The following PCYT1A variants were observed in gnomAD, a reference collection of about 807,000 sequenced individuals.
The protein encoded by PCYT1A is phosphate cytidylyltransferase 1A, choline, also known as choline-phosphate cytidylyltransferase A.
PCYT1A carries 25 observed loss-of-function variants against 43.7 expected under a neutral mutation model. That is an observed-to-expected ratio of 0.57 (90% confidence interval 0.42 to 0.80). The LOEUF (loss-of-function observed/expected upper bound fraction) is 0.80, where lower values mean the gene tolerates loss of function less well. PCYT1A is among the 30% of genes least tolerant of loss of function. The probability of loss-of-function intolerance (pLI) is 0.00; values close to 1 mark genes in which losing one functional copy is unlikely to be tolerated. For synonymous variants in PCYT1A, 172 were observed against 170.7 expected, an observed-to-expected ratio of 1.01 and a Z score of -0.06; for missense variants, 421 against 474.2, an observed-to-expected ratio of 0.89 and a Z score of 1.04.
At chr3:196,248,754 CTTTTTT>C (rs200812322) in intron 3 of PCYT1A, among the ~76,000 whole-genome samples, 1 of 146,750 alleles carries the variant, frequency 6.8e-6, no homozygotes, top group African/African-American at 2.5e-5. Flanking sequence ...ATACTCCTTT[CTTTTTT>C]TTTATTTTTT....
chr3:196,265,552 C>A lies in PCYT1A; in HGVS notation c.117+4863G>T, dbSNP rs185540232. On this transcript the variant is annotated intron_variant, in intron 2 of 8. Transcript: ENST00000431016. ...TCTTTTCTATCCATTTCATCCTGAC[C>A]CACCAACCCAGGTATCTACTACTTG... Among the ~76,000 whole-genome samples, 65 of 152,172 alleles carry A rather than the reference C, an allele frequency of 4.3e-4. 1 individual carries two copies. Among genetic ancestry groups the A allele is most frequent in the African/African-American group, 1.6e-3 (65 of 41,520 alleles).
intron 2 of PCYT1A, among the ~76,000 whole-genome samples, chr3:196,258,417 G>C (rs1271676105): frequency 2.0e-5 from 3 of 151,888 alleles, no homozygotes; most frequent in Admixed American, 2.0e-4. Flanking sequence ...CAATTGATTT[G>C]TATTTGTGTT....
At chr3:196,260,239 G>C (rs1305580797) in intron 2 of PCYT1A, among the ~76,000 whole-genome samples, 1 of 151,942 alleles carries the variant, frequency 6.6e-6, no homozygotes, top group Non-Finnish European at 1.5e-5. Context: ...TTCATTTTTA[G>C]ATGTGTATGT....
In PCYT1A at chr3:196,247,854, G is replaced by C; in HGVS notation, c.335-336C>G. 1 of 494,984 alleles carries C rather than the reference G, an allele frequency of 2.0e-6. No homozygotes were observed. Among genetic ancestry groups the C allele is most frequent in the Non-Finnish European group, 3.7e-6 (1 of 270,392 alleles). The allele number at this position is 494,984 out of a possible 1,614,324, so 30.7% of individuals were successfully genotyped here. A position where few individuals can be genotyped will look rare whatever the true frequency, so the allele number is the denominator to read the frequency against. On this transcript the variant is annotated intron_variant, in intron 4 of 8. Transcript: ENST00000431016. This position sits in a 1 kb window ranked among gnomAD's most constrained non-coding sequence, Gnocchi z 4.8. ...TTTCCTGTTTTATTCACACTGGACT[G>C]GACCACCTAACATTTCCTTGGCAGA...
chr3:196,278,006 GAAT>G (rs1725642231), intron 1 of PCYT1A, among the ~76,000 whole-genome samples: 1 of 152,030 alleles, frequency 6.6e-6, no homozygotes, highest in African/African-American at 2.4e-5. Flanking sequence ...AAAGCATACA[GAAT>G]AATAACTGAT....
Position 196,246,221 on chromosome 3 carries a change from T to G in PCYT1A, c.486+1146A>C, listed in dbSNP as rs191168500. Among the ~76,000 whole-genome samples, 4 of 152,326 alleles carry G rather than the reference T, an allele frequency of 2.6e-5. No homozygotes were observed. In the East Asian group the frequency reaches 7.7e-4, roughly 29 times the overall value. ...CTTCAGGCCTACCCACGTATTGCTT[T>G]AGAAGCACTTTGGCTGCCTTCATTC... On this transcript the variant is annotated intron_variant, in intron 5 of 8. Coordinates refer to ENST00000431016, the MANE Select transcript of PCYT1A (RefSeq NM_001312673.2).
rs1276367845 is a variant in PCYT1A at position 196,239,670 on chromosome 3, T to C, written c.774A>G (p.Glu258=). 6.2e-7 allele frequency: 1 copy of C among 1,611,830 alleles called. No homozygotes were observed. The highest frequency in any genetic ancestry group is 8.5e-7 in the Non-Finnish European group (1 of 1,177,884). ...KVKKKVKDVE[E]KSKEFVQKVE... Reference sequence around the variant, plus strand: ...CCTTCTGAACAAATTCTTTTGACTTTTCCTCCACATCTTTCACTTTCTTCT... The same window carrying C: ...CCTTCTGAACAAATTCTTTTGACTTCTCCTCCACATCTTTCACTTTCTTCT... The change falls in exon 8 of 9, where the codon GAA becomes GAG. Residue 258 remains glutamate, a synonymous_variant. Transcript: ENST00000431016.
intron 1 of PCYT1A, among the ~76,000 whole-genome samples, chr3:196,279,575 C>T (rs1179431941): frequency 2.0e-5 from 3 of 152,188 alleles, no homozygotes; most frequent in Non-Finnish European, 4.4e-5. Context: ...CCTACCAGTA[C>T]ACACTGCTTG....
In PCYT1A at chr3:196,252,398, C is replaced by T. The variant is rs1279297525; in HGVS notation, c.218-4075G>A. Among the ~76,000 whole-genome samples, 2 of 152,134 alleles carry T rather than the reference C, an allele frequency of 1.3e-5. No homozygotes were observed. The highest frequency in any genetic ancestry group is 3.9e-4 in the East Asian group (2 of 5,186). On this transcript the variant is annotated intron_variant, in intron 3 of 8. Transcript: ENST00000431016. This position sits in a 1 kb window ranked among gnomAD's most constrained non-coding sequence, Gnocchi z 4.0. ...AAGTCACTGGGATTACAGGCGAAAGCCACCAAGCCGGGATAATTTTTGTAT... is the reference window on the plus strand; with the variant it reads ...AAGTCACTGGGATTACAGGCGAAAGTCACCAAGCCGGGATAATTTTTGTAT...
rs117566013 is a variant in PCYT1A at position 196,240,502 on chromosome 3, T to C, written c.709-767A>G. ...GAACTCGAGAGCAGCCTGGACAACA[T>C]AGCAAGACCTCATCTCTACTAAAAA... is the stretch of plus-strand genomic sequence containing the variant. On this transcript the variant is annotated intron_variant, in intron 7 of 8. Transcript: ENST00000431016. 4.4e-3 allele frequency: 664 copies of C among 152,228 alleles called. 16 individuals are homozygous for C. In the South Asian group the frequency reaches 0.07, roughly 16 times the overall value. 9.4% of individuals were successfully genotyped at this position (152,228 alleles called of 1,614,324 possible). A position where few individuals can be genotyped will look rare whatever the true frequency, so the allele number is the denominator to read the frequency against.
rs1160273947 is a variant in PCYT1A at position 196,247,229 on chromosome 3, T to C, written c.486+138A>G. On this transcript the variant is annotated intron_variant, in intron 5 of 8. Transcript: ENST00000431016. This position sits in a 1 kb window ranked among gnomAD's most constrained non-coding sequence, Gnocchi z 4.8. ...GGGGTGACTGTTATCACTAGTAATATCACTGTCATCTCCTACGAAACTTAC... is the reference window on the plus strand; with the variant it reads ...GGGGTGACTGTTATCACTAGTAATACCACTGTCATCTCCTACGAAACTTAC... 1.2e-6 allele frequency: 1 copy of C among 858,088 alleles called. No individual in the cohort carries two copies. The highest frequency in any genetic ancestry group is 1.7e-5 in the African/African-American group (1 of 59,894). The allele number at this position is 858,088 out of a possible 1,614,324, so 53.2% of individuals were successfully genotyped here.
Position 196,277,909 on chromosome 3 carries a change from G to A in PCYT1A, c.-10-7368C>T, listed in dbSNP as rs904449966. On this transcript the variant is annotated intron_variant, in intron 1 of 8. Transcript: ENST00000431016. This position sits in a 1 kb window ranked among gnomAD's most constrained non-coding sequence, Gnocchi z 4.1. ...AACAATAATAAACTTTTACTCTGTA[G>A]GTCTCACAAGTTTTTTTCATTTTTT... 6.6e-6 allele frequency among the ~76,000 whole-genome samples: 1 copy of A among 152,076 alleles called. No individual in the cohort carries two copies. The highest frequency in any genetic ancestry group is 2.4e-5 in the African/African-American group (1 of 41,382).
At chr3:196,245,922 G>C (rs913159159) in intron 5 of PCYT1A, among the ~76,000 whole-genome samples, 1 of 147,890 alleles carries the variant, frequency 6.8e-6, no homozygotes, top group African/African-American at 2.5e-5. Flanking sequence ...TTGCACTCCA[G>C]CCTGGGCAAC....
intron 2 of PCYT1A, among the ~76,000 whole-genome samples, chr3:196,267,850 A>C (rs1725322284): frequency 6.6e-6 from 1 of 152,254 alleles, no homozygotes; most frequent in South Asian, 2.1e-4. Flanking sequence ...TTAAAAAAAG[A>C]AAAAAGTCTT....
At chr3:196,260,144 A>ACATGTG (rs1412552359) in intron 2 of PCYT1A, among the ~76,000 whole-genome samples, 2 of 151,634 alleles carry the variant, frequency 1.3e-5, no homozygotes, top group Admixed American at 6.6e-5. Flanking sequence ...GCTGGTCTTG[A>ACATGTG]ACTCCTGGCC....
At chr3:196,281,378 T>C (rs761307017) in intron 1 of PCYT1A, among the ~76,000 whole-genome samples, 10 of 152,118 alleles carry the variant, frequency 6.6e-5, no homozygotes, top group Non-Finnish European at 1.2e-4. Flanking sequence ...TAAGCGAAAG[T>C]AGGGAAAAGA....
rs541866669 is a variant in PCYT1A at position 196,235,315 on chromosome 3, C to A, written c.*3373G>T. ...AACCACCATCACTCAGGTACAGCCT[C>A]CAAAAACACCACCATCACTCAGGTG... On this transcript the variant is annotated 3_prime_UTR_variant, in exon 9 of 9. Transcript: ENST00000431016. The surrounding 1 kb of genome is among the most constrained non-coding windows in gnomAD (Gnocchi z 4.3). 1 of 152,174 alleles carries A rather than the reference C, an allele frequency of 6.6e-6. No individual in the cohort carries two copies. Among genetic ancestry groups the A allele is most frequent in the East Asian group, 1.9e-4 (1 of 5,188 alleles). 9.4% of individuals were successfully genotyped at this position (152,174 alleles called of 1,614,324 possible).
Position 196,277,383 on chromosome 3 carries a change from A to T in PCYT1A, c.-10-6842T>A, listed in dbSNP as rs1183908059. Among the ~76,000 whole-genome samples the T allele has an allele frequency of 6.6e-6, 1 of 152,118 alleles. No individual in the cohort carries two copies. The highest frequency in any genetic ancestry group is 1.5e-5 in the Non-Finnish European group (1 of 68,032). ...CTGTTCTTTAAACTGAAGTCTTTAG[A>T]TCCTTCGGATTTAAAATAAAACACA... On this transcript the variant is annotated intron_variant, in intron 1 of 8. Coordinates refer to ENST00000431016, the MANE Select transcript of PCYT1A (RefSeq NM_001312673.2). The surrounding 1 kb of genome is among the most constrained non-coding windows in gnomAD (Gnocchi z 4.1).
rs750339641 is a variant in PCYT1A, at chr3:196,242,631, CA to C, written c.495del (p.Phe165LeufsTer2). The C allele has an allele frequency of 1.9e-6, 3 of 1,602,364 alleles. No homozygotes were observed. The highest frequency in any genetic ancestry group is 2.2e-5 in the East Asian group (1 of 44,810). On this transcript the variant is annotated frameshift_variant, in exon 6 of 9. Coordinates refer to ENST00000431016, the MANE Select transcript of PCYT1A (RefSeq NM_001312673.2). LOFTEE classifies it high-confidence loss of function. This position sits in a 1 kb window ranked among gnomAD's most constrained non-coding sequence, Gnocchi z 4.2. ...GAATAAGGAATATCATCATGGGCTACAAAATCAATCTGAAAATAAGGAAACA... is the reference window on the plus strand; with the variant it reads ...GAATAAGGAATATCATCATGGGCTACAAATCAATCTGAAAATAAGGAAACA... ...PEFLAEHRID[F>X]VAHDDIPYSS...
Sources: allele counts gnomAD v4.1 joint callset (sites outside exome capture counted in the v4.1 genomes callset), GRCh38; gene constraint gnomAD v4.1.1; non-coding constraint Gnocchi (gnomAD v3.1); transcripts MANE v1.5; gene names NCBI Gene and HGNC (gene_info 2026-07-23, HGNC 2026-07-21).